PBX1: variants seen among roughly 807,000 people sequenced by gnomAD.
PBX1 encodes the protein PBX homeobox 1, also known as pre-B-cell leukemia transcription factor 1.
Under a neutral mutation model 53.4 loss-of-function variants are expected in PBX1, and 6 were observed. That is an observed-to-expected ratio of 0.11 (90% CI 0.06 to 0.22). The LOEUF (loss-of-function observed/expected upper bound fraction) is 0.22, where lower values mean the gene tolerates loss of function less well. Among genes scored for constraint, PBX1 ranks in the 10% least tolerant of loss-of-function variants. PBX1 has a pLI of 1.00. For synonymous variants in PBX1, 204 were observed against 212.3 expected, an observed-to-expected ratio of 0.96 and a Z score of 0.34; for missense variants, 251 against 551.4, an observed-to-expected ratio of 0.46 and a Z score of 5.46.
rs145914795 is a variant in PBX1, at chr1:164,594,760, T to C, written c.265+31449T>C. 1.9e-3 allele frequency among the ~76,000 whole-genome samples: 288 copies of C among 152,358 alleles called. 3 individuals carry two copies. Among genetic ancestry groups the C allele is most frequent in the African/African-American group, 6.7e-3 (279 of 41,580 alleles). ...AGATATTTTATAATCTCTTTTGTCC[T>C]AAGTCTTCACTATTTTGCATGTATT... On this transcript the variant is annotated intron_variant, in intron 2 of 8. Coordinates refer to ENST00000420696, the MANE Select transcript of PBX1 (RefSeq NM_002585.4).
intron 2 of PBX1, among the ~76,000 whole-genome samples, chr1:164,760,420 C>T (rs1022628403): frequency 8.0e-5 from 12 of 150,512 alleles, no homozygotes; most frequent in Admixed American, 4.0e-4. Context: ...TCCATCCCTC[C>T]TCCCTCCCTC....
chr1:164,871,844 C>T (rs1292964756), intron 2 of PBX1, among the ~76,000 whole-genome samples: 1 of 150,238 alleles, frequency 6.7e-6, no homozygotes, highest in Non-Finnish European at 1.5e-5. Flanking sequence ...CTCTACTGCA[C>T]ACCATTCTCT....
chr1:164,624,443 A>C (rs1657905626), intron 2 of PBX1, among the ~76,000 whole-genome samples: 1 of 152,218 alleles, frequency 6.6e-6, no homozygotes, highest in South Asian at 2.1e-4. Flanking sequence ...ATTTTCTCTC[A>C]ATGAAAGAAT....
At chr1:164,630,502 C>T (rs1050082499) in intron 2 of PBX1, among the ~76,000 whole-genome samples, 1 of 152,090 alleles carries the variant, frequency 6.6e-6, no homozygotes, top group Non-Finnish European at 1.5e-5. Context: ...TGTAATATTA[C>T]ACTCAATATC....
intron 2 of PBX1, among the ~76,000 whole-genome samples, chr1:164,719,727 T>C (rs1053358339): frequency 6.6e-6 from 1 of 152,172 alleles, no homozygotes; most frequent in Admixed American, 6.5e-5. Context: ...CTTTCTGTCA[T>C]CGAATTTGGA....
intron 8 of PBX1, among the ~76,000 whole-genome samples, chr1:164,825,695 A>G (rs1040814901): frequency 6.6e-6 from 1 of 152,204 alleles, no homozygotes; most frequent in Non-Finnish European, 1.5e-5. Flanking sequence ...GTGAATTTAT[A>G]TGGTGATGAT....
intron 2 of PBX1, among the ~76,000 whole-genome samples, chr1:164,736,027 G>T (rs980736867): frequency 6.6e-6 from 1 of 152,066 alleles, no homozygotes; most frequent in African/African-American, 2.4e-5. Context: ...AGCAGAAACT[G>T]GCTTCTGAAT....
At chr1:164,872,162 T>C (rs1335546832) in intron 2 of PBX1, among the ~76,000 whole-genome samples, 1 of 152,194 alleles carries the variant, frequency 6.6e-6, no homozygotes, top group Admixed American at 6.5e-5. Context: ...CGGCTACAGA[T>C]TGAGCCCTGC....
chr1:164,810,326 A>G (rs1035928989), intron 5 of PBX1, among the ~76,000 whole-genome samples: 2 of 152,170 alleles, frequency 1.3e-5, no homozygotes, highest in South Asian at 2.1e-4. Context: ...CATTCATGAT[A>G]ACACTCATTT....
intron 8 of PBX1, among the ~76,000 whole-genome samples, chr1:164,824,734 T>C (rs750578454): frequency 6.6e-6 from 1 of 152,122 alleles, no homozygotes; most frequent in Non-Finnish European, 1.5e-5. Flanking sequence ...CATGTGACAA[T>C]GGGCAATACT....
At chr1:164,873,445 G>T (rs1672428411) in intron 2 of PBX1, among the ~76,000 whole-genome samples, 1 of 152,186 alleles carries the variant, frequency 6.6e-6, no homozygotes, top group South Asian at 2.1e-4. Context: ...ATGTGAATGT[G>T]GCATGACTTG....
In PBX1 at chr1:164,559,295, G is replaced by GC. The variant is rs1652834993; in HGVS notation, c.-525dup. The GC allele has an allele frequency of 5.8e-6, 1 of 171,930 alleles. No individual in the cohort carries two copies. Among genetic ancestry groups the GC allele is most frequent in the African/African-American group, 2.5e-5 (1 of 39,834 alleles). The allele number at this position is 171,930 out of a possible 1,614,324, so 10.7% of individuals were successfully genotyped here. A position where few individuals can be genotyped will look rare whatever the true frequency, so the allele number is the denominator to read the frequency against. On this transcript the variant is annotated 5_prime_UTR_variant, in exon 1 of 9. Coordinates refer to ENST00000420696, the MANE Select transcript of PBX1 (RefSeq NM_002585.4). ...TGGGGGAGATCTGGCTTTTGCAACA[G>GC]CCCACCCCCTTTGAGATCACTCTGG...
In PBX1 at chr1:164,870,346, TTTCTTTCTTTCTTTCG is replaced by T. The variant is rs1318934426; in HGVS notation, n.258-28841_258-28826del. Among the ~76,000 whole-genome samples, 454 of 108,672 alleles carry T rather than the reference TTTCTTTCTTTCTTTCG, an allele frequency of 4.2e-3. 32 individuals are homozygous for T. Among genetic ancestry groups the T allele is most frequent in the Middle Eastern group, 0.013 (3 of 230 alleles). 71.3% of individuals were successfully genotyped at this position (108,672 alleles called of 152,430 possible). Reference sequence around the variant, plus strand: ...CTTTCTTTCTTTCTTTCTTTCTTTCTTTCTTTCTTTCTTTCGAGATGAAGTCTTGCTCTGTCTCCCC... The same window carrying T: ...CTTTCTTTCTTTCTTTCTTTCTTTCTAGATGAAGTCTTGCTCTGTCTCCCC... On this transcript the variant is annotated intron_variant and non_coding_transcript_variant, in intron 2 of 2. Transcript: ENST00000558796.
intron 2 of PBX1, among the ~76,000 whole-genome samples, chr1:164,760,353 G>A (rs1034762225): frequency 6.6e-6 from 1 of 151,930 alleles, no homozygotes; most frequent in African/African-American, 2.4e-5. Context: ...GGAAGTTTGG[G>A]ATGGCATTTC....
chr1:164,606,136 GT>G (rs1227139214), intron 2 of PBX1, among the ~76,000 whole-genome samples: 3 of 152,176 alleles, frequency 2.0e-5, no homozygotes, highest in African/African-American at 4.8e-5. Context: ...TTATTCAAGA[GT>G]TGTAATTTGT....
At position 164,847,351 on chromosome 1, in the gene PBX1, C is replaced by T; in HGVS notation, c.*675C>T. On this transcript the variant is annotated 3_prime_UTR_variant, in exon 9 of 9. Coordinates refer to ENST00000420696, the MANE Select transcript of PBX1 (RefSeq NM_002585.4). ...AAGGTGCCACATTTTTCAGTTTCAT[C>T]TCCACTAGGTTGGTTCCCGGGCAGG... 1 of 1,064,968 alleles carries T rather than the reference C, an allele frequency of 9.4e-7. No individual in the cohort carries two copies. The highest frequency in any genetic ancestry group is 1.1e-6 in the Non-Finnish European group (1 of 879,084). 66.0% of individuals were successfully genotyped at this position (1,064,968 alleles called of 1,614,324 possible). A position where few individuals can be genotyped will look rare whatever the true frequency, so the allele number is the denominator to read the frequency against.
Position 164,810,456 on chromosome 1 carries a change from C to A in PBX1, c.838-1534C>A, listed in dbSNP as rs189205569. Among the ~76,000 whole-genome samples, 14 of 152,256 alleles carry A rather than the reference C, an allele frequency of 9.2e-5. No individual in the cohort carries two copies. In the East Asian group the frequency reaches 2.7e-3, roughly 29 times the overall value. ...GGGTATCATTCCCACAACATGTCCCCTCTTTACCCCCTTCAGCTCATATTT... is the reference window on the plus strand; with the variant it reads ...GGGTATCATTCCCACAACATGTCCCATCTTTACCCCCTTCAGCTCATATTT... On this transcript the variant is annotated intron_variant, in intron 5 of 8. Transcript: ENST00000420696.
chr1:164,571,557 T>C (rs929796248), intron 2 of PBX1, among the ~76,000 whole-genome samples: 7 of 152,192 alleles, frequency 4.6e-5, no homozygotes, highest in African/African-American at 1.7e-4. Context: ...TTCCGCTGTA[T>C]GGATATACCA....
chr1:164,605,595 C>G (rs189922023), intron 2 of PBX1, among the ~76,000 whole-genome samples: 115 of 152,216 alleles, frequency 7.6e-4, no homozygotes, highest in Admixed American at 1.7e-3. Context: ...AATTGAAACT[C>G]CAGTGTTTAG....
Sources: allele counts gnomAD v4.1 joint callset (sites outside exome capture counted in the v4.1 genomes callset), GRCh38; gene constraint gnomAD v4.1.1; transcripts MANE v1.5; gene names NCBI Gene and HGNC (gene_info 2026-07-23, HGNC 2026-07-21).